Variants in MRC2 observed in about 807,000 individuals in gnomAD.
The protein encoded by MRC2 is C-type mannose receptor 2.
A neutral mutation model predicts 206.2 loss-of-function variants in MRC2; 84 were observed. The observed-to-expected ratio is 0.41, with a 90% confidence interval of 0.34 to 0.49. The LOEUF (loss-of-function observed/expected upper bound fraction) is 0.49, where lower values mean the gene tolerates loss of function less well. Among genes scored for constraint, MRC2 ranks in the 20% least tolerant of loss-of-function variants. MRC2 has a pLI of 0.31. For missense variants in MRC2, 1,676 were observed against 2,001.5 expected (o/e 0.84, Z 3.10); for synonymous variants, 798 against 800.0 (o/e 1.00, Z 0.04).
intron 6 of MRC2, among the ~76,000 whole-genome samples, chr17:62,668,466 A>T (rs985956379): frequency 6.6e-6 from 1 of 152,148 alleles, no homozygotes; most frequent in African/African-American, 2.4e-5. Flanking sequence ...TATAGATTCT[A>T]ACCACTTCAA....
rs145237655 is a variant in MRC2, at chr17:62,680,956, A to G, written c.2630A>G (p.Gln877Arg). 22 of 1,612,788 alleles carry G rather than the reference A, an allele frequency of 1.4e-5. No homozygotes were observed. The highest frequency in any genetic ancestry group is 1.7e-5 in the Non-Finnish European group (20 of 1,179,764). The change falls in exon 17 of 30, where the codon CAG becomes CGG. Residue 877 changes from glutamine to arginine, a missense_variant. Coordinates refer to ENST00000303375, the MANE Select transcript of MRC2 (RefSeq NM_006039.5). This position sits in a 1 kb window ranked among gnomAD's most constrained non-coding sequence, Gnocchi z 4.8. ...CTAGACTTCCTGAGCCACAACTTGCAGAAGGTGGGCATTGGATTGAGCAGG... is the reference window on the plus strand; with the variant it reads ...CTAGACTTCCTGAGCCACAACTTGCGGAAGGTGGGCATTGGATTGAGCAGG... Reference protein sequence around the residue: ...AELDFLSHNLQKFSRAQEQHW... With the variant: ...AELDFLSHNLRKFSRAQEQHW...
intron 9 of MRC2, 85 bp downstream of exon 9, chr17:62,674,255 G>A: frequency 4.2e-6 from 4 of 956,918 alleles, no homozygotes; most frequent in Admixed American, 2.9e-5. Flanking sequence ...AACTCCTGCT[G>A]CCTCGCATGG....
At position 62,681,935 on chromosome 17, in the gene MRC2, G is replaced by A. The variant is rs769517889; in HGVS notation, c.2801G>A (p.Arg934Gln). 1.8e-5 allele frequency: 29 copies of A among 1,613,234 alleles called. No homozygotes were observed. Among genetic ancestry groups the A allele is most frequent in the Middle Eastern group, 1.7e-4 (1 of 6,052 alleles). The change falls in exon 19 of 30, where the codon CGA becomes CAA. Residue 934 changes from arginine (R) to glutamine (Q), a missense_variant and splice_region_variant. Physicochemically the swap from Arg to Gln is conservative, Grantham distance 43. This residue lies in a region of MRC2 where 1,354 missense variants were observed against 1,636.6 expected (regional missense o/e 0.83). Transcript: ENST00000303375. ...DKKCVYMTAS[R>Q]EDWGDQRCLT... ...AAGTGCGTGTACATGACAGCCAGCC[G>A]AGGTGAGGGCAAGGTGGGGGCAGAG...
rs1568073067 is a variant in MRC2 at position 62,690,161 on chromosome 17, C to T, written c.3748C>T (p.Pro1250Ser). The change falls in exon 26 of 30, where the codon CCT becomes TCT. Residue 1250 changes from proline (P) to serine (S), a missense_variant. By Grantham distance (74) the Pro-to-Ser change is moderately conservative. This residue lies in a region of MRC2 where 1,354 missense variants were observed against 1,636.6 expected (regional missense o/e 0.83). Coordinates refer to ENST00000303375, the MANE Select transcript of MRC2 (RefSeq NM_006039.5). ...TTAATCCTGTACCCCCACAGGGCCC[C>T]CTCCTCCCCGAAGAATAAGCTACCA... ...GAVCGVSSGP[P>S]PPRRISYHGS... is the part of the protein sequence containing the mutation. 1 of 1,603,742 alleles carries T rather than the reference C, an allele frequency of 6.2e-7. No individual in the cohort carries two copies.
At position 62,674,119 on chromosome 17, in the gene MRC2, G is replaced by C. The variant is rs772212338; in HGVS notation, c.1518G>C (p.Lys506Asn). ...AGTCCTTGCCATCCATCTGCAAGAAGGCAGGCCAGCTGAGCCAGGGGGCCG... is the reference window on the plus strand; with the variant it reads ...AGTCCTTGCCATCCATCTGCAAGAACGCAGGCCAGCTGAGCCAGGGGGCCG... The part of the protein sequence containing the change: ...CNQSLPSICK[K>N]AGQLSQGAAE... The change falls in exon 9 of 30, where the codon AAG (lysine) becomes AAC (asparagine). Residue 506 changes from lysine to asparagine, a missense_variant. By Grantham distance (94) the Lys-to-Asn change is moderately conservative. Transcript: ENST00000303375. 7.1e-6 allele frequency: 11 copies of C among 1,556,326 alleles called. No individual in the cohort carries two copies. The South Asian group carries it at 1.1e-4, about 15-fold the overall frequency.
At chr17:62,681,801 C>T (rs779163858) in intron 18 of MRC2, 36 bp from the exon 19 acceptor site, 21 of 1,539,818 alleles carry the variant, frequency 1.4e-5, no homozygotes, top group Admixed American at 5.3e-5. Context: ...AGCTGGGGGC[C>T]GGTGCTGGAG....
At chr17:62,689,275 AG>A (rs1312587945) in intron 23 of MRC2, 1 of 580,626 alleles carries the variant, frequency 1.7e-6, no homozygotes, top group Non-Finnish European at 3.1e-6. Context: ...CTCCATGCGT[AG>A]GTGGCCTCTG....
intron 1 of MRC2, among the ~76,000 whole-genome samples, chr17:62,663,130 T>C (rs557164231): frequency 2.5e-4 from 38 of 152,242 alleles, no homozygotes; most frequent in African/African-American, 4.8e-4. Flanking sequence ...TTACTGGGCG[T>C]GGGACACTGG....
intron 13 of MRC2, 130 bp downstream of exon 13, chr17:62,678,776 G>T: frequency 1.5e-6 from 2 of 1,314,410 alleles, no homozygotes; most frequent in Non-Finnish European, 2.1e-6. Flanking sequence ...AGGGAGGCCT[G>T]CATCTGCTGC....
chr17:62,656,258 G>A (rs1433149978), intron 1 of MRC2, among the ~76,000 whole-genome samples: 6 of 152,010 alleles, frequency 3.9e-5, no homozygotes, highest in Non-Finnish European at 8.8e-5. Context: ...TGTTGGCCAG[G>A]CTGGTCTCAA....
chr17:62,688,165 T>C (rs528502514), intron 20 of MRC2, 124 bp from the exon 21 acceptor site: 48 of 745,834 alleles, frequency 6.4e-5, no homozygotes, highest in African/African-American at 5.5e-4. Context: ...GGTTCTCAGA[T>C]ACTGTTCTCT....
At chr17:62,669,637 C>A (rs1035963720) in intron 6 of MRC2, among the ~76,000 whole-genome samples, 1 of 152,286 alleles carries the variant, frequency 6.6e-6, no homozygotes, top group Middle Eastern at 3.4e-3. Context: ...TCAAGCGATT[C>A]TCATCTCCAG....
At chr17:62,677,628 T>G (rs2088910753) in intron 12 of MRC2, 142 bp downstream of exon 12, 14 of 706,204 alleles carry the variant, frequency 2.0e-5, no homozygotes. Flanking sequence ...GACTTGTCCA[T>G]GGAATCTGGA....
rs139803843 is a variant in MRC2, at chr17:62,672,077, C to A, written c.1386C>A (p.Ser462Arg). ...NFEWSDGSLV[S>R]FTHWHPFEPN... Reference sequence around the variant, plus strand: ...AGTGGTCTGACGGGAGCCTTGTGAGCTTCACCCACTGGCACCCCTTTGAGC... The same window carrying A: ...AGTGGTCTGACGGGAGCCTTGTGAGATTCACCCACTGGCACCCCTTTGAGC... Residue 462 changes from serine to arginine, a missense_variant, in exon 8 of 30, where the codon AGC (serine) becomes AGA (arginine). This residue lies in a region of MRC2 where 1,354 missense variants were observed against 1,636.6 expected (regional missense o/e 0.83). Coordinates refer to ENST00000303375, the MANE Select transcript of MRC2 (RefSeq NM_006039.5). The surrounding 1 kb of genome is among the most constrained non-coding windows in gnomAD (Gnocchi z 4.5). 14 of 1,613,996 alleles carry A rather than the reference C, an allele frequency of 8.7e-6. No individual in the cohort carries two copies. The African/African-American group carries it at 1.7e-4, about 20-fold the overall frequency.
chr17:62,676,892 ATCTCT>A (rs1382374544), intron 11 of MRC2, among the ~76,000 whole-genome samples: 3 of 152,312 alleles, frequency 2.0e-5, no homozygotes, highest in Admixed American at 6.5e-5. Context: ...GAAACAAATA[ATCTCT>A]TCTCTATCTG....
At chr17:62,650,542 G>T (rs1412603832) in intron 1 of MRC2, among the ~76,000 whole-genome samples, 1 of 152,230 alleles carries the variant, frequency 6.6e-6, no homozygotes, top group Non-Finnish European at 1.5e-5. Context: ...GAATAAGTCT[G>T]CCTGGCCATC....
intron 26 of MRC2, among the ~76,000 whole-genome samples, 167 bp downstream of exon 26, chr17:62,690,472 C>T (rs556733837): frequency 6.6e-6 from 1 of 151,706 alleles, no homozygotes; most frequent in Admixed American, 6.5e-5. Flanking sequence ...ACTATATGTG[C>T]ATATGCTGCC....
intron 20 of MRC2, among the ~76,000 whole-genome samples, chr17:62,687,491 G>C (rs1373529504): frequency 1.3e-5 from 2 of 152,120 alleles, no homozygotes; most frequent in Non-Finnish European, 2.9e-5. Context: ...CACTGCCTCT[G>C]AGCAGAAAAT....
At chr17:62,663,750 A>G (rs1332270115) in intron 1 of MRC2, among the ~76,000 whole-genome samples, 1 of 152,168 alleles carries the variant, frequency 6.6e-6, no homozygotes, top group African/African-American at 2.4e-5. Flanking sequence ...TCCTAGAAGA[A>G]GGAAAGGATG....
Sources: gnomAD v4.1 joint callset for allele counts (sites outside exome capture counted in the v4.1 genomes callset) on GRCh38, gnomAD v4.1.1 for gene constraint, gnomAD v4.1.1 regional missense constraint, Gnocchi (gnomAD v3.1) non-coding constraint, MANE v1.5 for transcripts, NCBI Gene and HGNC (gene_info 2026-07-23, HGNC 2026-07-21) for gene names.